TLN2: variants seen among roughly 807,000 people sequenced by gnomAD.
TLN2 encodes the protein talin-2.
Under a neutral mutation model 294.7 loss-of-function variants are expected in TLN2, and 118 were observed. The observed-to-expected ratio is 0.40, with a 90% CI of 0.34 to 0.47. TLN2 has a LOEUF of 0.47. TLN2 is among the 20% of genes least tolerant of loss of function. The pLI, the probability that TLN2 is intolerant of heterozygous loss-of-function variation, is 0.84. For synonymous variants in TLN2, 1,431 were observed against 1,304.5 expected (o/e 1.10, Z -2.09); for missense variants, 3,083 against 3,282.2 (o/e 0.94, Z 1.48).
chr15:62,410,725 CAT>C (rs765295144), intron 1 of TLN2, among the ~76,000 whole-genome samples: 2 of 152,210 alleles, frequency 1.3e-5, no homozygotes, highest in African/African-American at 4.8e-5. Flanking sequence ...ACATCTGGCA[CAT>C]GTGGGAGTTC....
intron 52 of TLN2, among the ~76,000 whole-genome samples, chr15:62,812,487 G>A (rs1270699183): frequency 6.6e-6 from 1 of 152,182 alleles, no homozygotes; most frequent in Non-Finnish European, 1.5e-5. Flanking sequence ...GAAATGGAGT[G>A]AAGGTCTCCC....
intron 1 of TLN2, among the ~76,000 whole-genome samples, chr15:62,404,571 TCTC>T (rs1018092626): frequency 1.3e-5 from 2 of 152,134 alleles, no homozygotes; most frequent in African/African-American, 2.4e-5. Flanking sequence ...TTAAATTAAA[TCTC>T]CTCTTCTTTC....
intron 42 of TLN2, among the ~76,000 whole-genome samples, chr15:62,772,479 G>A (rs929019943): frequency 6.6e-6 from 1 of 152,030 alleles, no homozygotes; most frequent in African/African-American, 2.4e-5. Flanking sequence ...CCCTGCAGTC[G>A]TGCCAGCCCC....
intron 26 of TLN2, among the ~76,000 whole-genome samples, chr15:62,723,319 C>T (rs2060255433): frequency 6.6e-6 from 1 of 152,156 alleles, no homozygotes; most frequent in Non-Finnish European, 1.5e-5. Context: ...ACTGGAATCA[C>T]CTGGGGATGC....
intron 9 of TLN2, among the ~76,000 whole-genome samples, chr15:62,669,909 C>T (rs1419660588): frequency 6.6e-6 from 1 of 152,168 alleles, no homozygotes; most frequent in Non-Finnish European, 1.5e-5. Flanking sequence ...TCCCCACAAA[C>T]CGATTCTTGA....
At chr15:62,712,128 G>C (rs1009752455) in intron 22 of TLN2, 51 bp downstream of exon 22, 1 of 1,582,056 alleles carries the variant, frequency 6.3e-7, no homozygotes, top group Non-Finnish European at 8.6e-7. Flanking sequence ...TAAGTGTTAG[G>C]ATTTGGAAGG....
chr15:62,649,602 C>T (rs1290920001), intron 4 of TLN2, among the ~76,000 whole-genome samples: 1 of 152,094 alleles, frequency 6.6e-6, no homozygotes, highest in African/African-American at 2.4e-5. Flanking sequence ...TCCTACCTCT[C>T]TTTTACACCG....
At chr15:62,619,850 G>T (rs2048630264) in intron 3 of TLN2, among the ~76,000 whole-genome samples, 1 of 152,170 alleles carries the variant, frequency 6.6e-6, no homozygotes, top group African/African-American at 2.4e-5. Context: ...ATTGTTTTAG[G>T]ACACCAAGTT....
At chr15:62,474,333 T>C (rs2037665761) in intron 1 of TLN2, among the ~76,000 whole-genome samples, 1 of 152,032 alleles carries the variant, frequency 6.6e-6, no homozygotes, top group East Asian at 1.9e-4. Context: ...CACCCCTTTT[T>C]CACTCAGTAA....
In TLN2 at chr15:62,739,355, C is replaced by T. The variant is rs776816723; in HGVS notation, c.3695C>T (p.Pro1232Leu). 3 of 1,613,138 alleles carry T rather than the reference C, an allele frequency of 1.9e-6. No individual in the cohort carries two copies. Among genetic ancestry groups the T allele is most frequent in the East Asian group, 2.2e-5 (1 of 44,864 alleles). ...GCCGTCTGTTCCCCACAGCTACCTC[C>T]AAGCACGAAGCCTTTCCAGGAAGCC... ...SKKLLVDSLPPSTKPFQEAQS... is the reference protein window; with the variant it reads ...SKKLLVDSLPLSTKPFQEAQS... The change falls in exon 31 of 59, where the codon CCA becomes CTA. Residue 1232 changes from proline to leucine, a missense_variant. By Grantham distance (98) the Pro-to-Leu change is moderately conservative (BLOSUM62 -3). Transcript: ENST00000636159.
At chr15:62,714,701 A>G (rs1313535771) in intron 22 of TLN2, among the ~76,000 whole-genome samples, 1 of 152,192 alleles carries the variant, frequency 6.6e-6, no homozygotes, top group Admixed American at 6.5e-5. Context: ...TAATTTGCTG[A>G]ATTTTGTTGA....
At chr15:62,544,698 C>A (rs1275423976) in intron 1 of TLN2, among the ~76,000 whole-genome samples, 2 of 150,598 alleles carry the variant, frequency 1.3e-5, no homozygotes, top group Non-Finnish European at 2.9e-5. Context: ...AGAGAAAAAT[C>A]TTTTAAAAGC....
chr15:62,655,965 G>C lies in TLN2; in HGVS notation c.539G>C (p.Arg180Pro). ...DDDLNWLDHS[R>P]TFREQGVDEN... is the part of the protein sequence containing the mutation. ...GCAGTAAATTGGCTGGATCACAGCC[G>C]AACATTCAGAGAACAAGGAGTAGAT... is the stretch of plus-strand genomic sequence containing the variant. Residue 180 changes from arginine to proline, a missense_variant, in exon 8 of 59, where the codon CGA becomes CCA. By Grantham distance (103) the Arg-to-Pro change is moderately radical (BLOSUM62 -2). Coordinates refer to ENST00000636159, the MANE Select transcript of TLN2 (RefSeq NM_015059.3). 1 of 1,614,124 alleles carries C rather than the reference G, an allele frequency of 6.2e-7. No individual in the cohort carries two copies. The highest frequency in any genetic ancestry group is 8.5e-7 in the Non-Finnish European group (1 of 1,180,022).
At chr15:62,633,797 T>C (rs1248287805) in intron 3 of TLN2, among the ~76,000 whole-genome samples, 1 of 152,166 alleles carries the variant, frequency 6.6e-6, no homozygotes, top group Non-Finnish European at 1.5e-5. Context: ...TACCACTAAC[T>C]GGGTGGCTTA....
chr15:62,429,464 AC>A (rs2140286257), intron 1 of TLN2, among the ~76,000 whole-genome samples: 1 of 152,148 alleles, frequency 6.6e-6, no homozygotes, highest in African/African-American at 2.4e-5. Flanking sequence ...TCCCCACCCG[AC>A]TTGAGACCTG....
intron 1 of TLN2, among the ~76,000 whole-genome samples, chr15:62,392,877 T>C (rs1237592186): frequency 6.6e-6 from 1 of 152,126 alleles, no homozygotes; most frequent in Non-Finnish European, 1.5e-5. Flanking sequence ...GACTCCGATA[T>C]GAATGTCAGC....
chr15:62,466,348 C>T (rs1012629084), intron 1 of TLN2, among the ~76,000 whole-genome samples: 1 of 152,208 alleles, frequency 6.6e-6, no homozygotes, highest in African/African-American at 2.4e-5. Flanking sequence ...TAGGCTTTCT[C>T]AGTCCTCAGC....
rs2070579592 is a variant in TLN2 at position 62,840,714 on chromosome 15, TC to T, written c.*107del. Reference sequence around the variant, plus strand: ...CTTAGCTGGAAACCGCCCACCTCCCTCCCGGGTGAGCCTGGAGCCCTGCGTG... The same window carrying T: ...CTTAGCTGGAAACCGCCCACCTCCCTCCGGGTGAGCCTGGAGCCCTGCGTG... On this transcript the variant is annotated 3_prime_UTR_variant, in exon 59 of 59. Coordinates refer to ENST00000636159, the MANE Select transcript of TLN2 (RefSeq NM_015059.3). 5 of 1,476,352 alleles carry T rather than the reference TC, an allele frequency of 3.4e-6. No homozygotes were observed. In the African/African-American group the frequency reaches 7.1e-5, roughly 21 times the overall value. 91.5% of individuals were successfully genotyped at this position (1,476,352 alleles called of 1,614,324 possible). A position where few individuals can be genotyped will look rare whatever the true frequency, so the allele number is the denominator to read the frequency against.
chr15:62,470,119 C>A (rs2140359644), intron 1 of TLN2, among the ~76,000 whole-genome samples: 1 of 152,340 alleles, frequency 6.6e-6, no homozygotes. Flanking sequence ...AACATGGGAA[C>A]AAAATGATCT....
Sources: gnomAD v4.1 joint callset for allele counts (sites outside exome capture counted in the v4.1 genomes callset) on GRCh38, gnomAD v4.1.1 for gene constraint, MANE v1.5 for transcripts, NCBI Gene and HGNC (gene_info 2026-07-23, HGNC 2026-07-21) for gene names.